The following NAV2 variants were observed in gnomAD, a reference collection of about 807,000 sequenced individuals.
NAV2 encodes the protein helicase, APC down-regulated 1.
A neutral mutation model predicts 223.2 loss-of-function variants in NAV2; 54 were observed. The ratio of observed to expected loss-of-function variants is 0.24; its 90% CI spans 0.19 to 0.30. NAV2 has a LOEUF of 0.30. NAV2 is among the 10% of genes least tolerant of loss of function. NAV2 has a pLI of 1.00. For synonymous variants in NAV2, 1,279 were observed against 1,239.3 expected (o/e 1.03, Z -0.67); for missense variants, 2,806 against 3,147.5 (o/e 0.89, Z 2.60).
chr11:19,567,945 G>A (rs921569120), intron 1 of NAV2, among the ~76,000 whole-genome samples: 13 of 152,078 alleles, frequency 8.5e-5, no homozygotes, highest in Non-Finnish European at 1.5e-4. Flanking sequence ...TCCTAACACC[G>A]ATCACACTAT....
intron 1 of NAV2, among the ~76,000 whole-genome samples, chr11:19,774,512 A>G (rs2055981077): frequency 1.3e-5 from 2 of 152,292 alleles, no homozygotes; most frequent in Admixed American, 6.5e-5. Context: ...TACACTATAC[A>G]GGCCTCTTTT....
chr11:19,437,990 C>G (rs1590203016), intron 1 of NAV2, among the ~76,000 whole-genome samples: 1 of 152,128 alleles, frequency 6.6e-6, no homozygotes, highest in African/African-American at 2.4e-5. Flanking sequence ...GATTTAATGT[C>G]TCTGGAATGA....
chr11:19,415,071 C>G (rs1850307927), intron 1 of NAV2, among the ~76,000 whole-genome samples: 2 of 151,972 alleles, frequency 1.3e-5, no homozygotes, highest in African/African-American at 4.8e-5. Context: ...CAAAAACTAG[C>G]AGAAGACAAG....
At chr11:19,971,523 C>T (rs2049244051) in intron 10 of NAV2, among the ~76,000 whole-genome samples, 1 of 152,142 alleles carries the variant, frequency 6.6e-6, no homozygotes, top group Non-Finnish European at 1.5e-5. Flanking sequence ...GGTAACACCC[C>T]AGCCACACAG....
At position 19,475,053 on chromosome 11, in the gene NAV2, C is replaced by A. The variant is rs575424859; in HGVS notation, c.75+124026C>A. Among the ~76,000 whole-genome samples the A allele has an allele frequency of 2.6e-5, 4 of 152,338 alleles. No homozygotes were observed. In the East Asian group the frequency reaches 7.7e-4, roughly 29 times the overall value. On this transcript the variant is annotated intron_variant, in intron 1 of 37. Transcript: ENST00000360655. Reference sequence around the variant, plus strand: ...CCCAGCCAGCTGCTTAGACAACTTTCCACTGGGCCTTGGGTCAGCAGCCAC... The same window carrying A: ...CCCAGCCAGCTGCTTAGACAACTTTACACTGGGCCTTGGGTCAGCAGCCAC...
chr11:20,021,674 C>G (rs920978616), intron 11 of NAV2, among the ~76,000 whole-genome samples: 3 of 152,206 alleles, frequency 2.0e-5, no homozygotes, highest in African/African-American at 7.2e-5. Flanking sequence ...TTCCCTCAAA[C>G]TCACCCACTG....
chr11:19,391,122 G>A (rs1241460512), intron 1 of NAV2, among the ~76,000 whole-genome samples: 1 of 152,138 alleles, frequency 6.6e-6, no homozygotes, highest in Admixed American at 6.5e-5. Flanking sequence ...TCGTTCTCTA[G>A]TGATCATTGC....
At chr11:20,017,676 A>C (rs999178930) in intron 11 of NAV2, among the ~76,000 whole-genome samples, 2 of 152,108 alleles carry the variant, frequency 1.3e-5, no homozygotes, top group African/African-American at 4.8e-5. Context: ...TGCATTGACT[A>C]TTTGTTGAAT....
At chr11:19,817,636 G>A (rs1413891961) in intron 1 of NAV2, among the ~76,000 whole-genome samples, 1 of 152,166 alleles carries the variant, frequency 6.6e-6, no homozygotes, top group South Asian at 2.1e-4. Flanking sequence ...GAGGGAGGGG[G>A]TGGCCAAGAG....
At chr11:20,044,842 G>C (rs2153585304) in intron 13 of NAV2, 126 bp from the exon 14 acceptor site, 1 of 697,316 alleles carries the variant, frequency 1.4e-6, no homozygotes, top group Non-Finnish European at 2.4e-6. Context: ...TTTATAAAAA[G>C]CTCTTTCCTC....
chr11:19,772,814 A>C (rs560051854), intron 1 of NAV2, among the ~76,000 whole-genome samples: 101 of 152,244 alleles, frequency 6.6e-4, no homozygotes, highest in African/African-American at 2.2e-3. Flanking sequence ...GCCGGCCCCC[A>C]CCGTGTCTGA....
intron 1 of NAV2, among the ~76,000 whole-genome samples, chr11:19,438,035 A>G (rs1407725518): frequency 6.6e-6 from 1 of 152,224 alleles, no homozygotes; most frequent in African/African-American, 2.4e-5. Flanking sequence ...CACTGGGGCT[A>G]GGTTCCAAGC....
chr11:20,071,461 T>A (rs996793648), intron 22 of NAV2, among the ~76,000 whole-genome samples: 1 of 152,208 alleles, frequency 6.6e-6, no homozygotes, highest in Non-Finnish European at 1.5e-5. Flanking sequence ...TTTATAATCC[T>A]TTGGGGGTAT....
intron 10 of NAV2, among the ~76,000 whole-genome samples, chr11:19,982,171 A>G (rs2050353593): frequency 1.3e-5 from 2 of 152,114 alleles, no homozygotes; most frequent in Admixed American, 6.5e-5. Context: ...ATCATTTTTT[A>G]TATTTTTATT....
At chr11:19,448,401 C>T (rs114555352) in intron 1 of NAV2, among the ~76,000 whole-genome samples, 4,407 of 152,284 alleles carry the variant, frequency 0.029, 206 homozygotes, top group African/African-American at 0.1. Flanking sequence ...GTTACCTTAG[C>T]GCTCTCAGCA....
chr11:19,425,672 T>C (rs879282127), intron 1 of NAV2, among the ~76,000 whole-genome samples: 2 of 152,290 alleles, frequency 1.3e-5, no homozygotes, highest in Non-Finnish European at 1.5e-5. Flanking sequence ...AATACTAAAT[T>C]TGGGGACAGG....
At chr11:20,018,118 C>T (rs960726344) in intron 11 of NAV2, among the ~76,000 whole-genome samples, 3 of 152,102 alleles carry the variant, frequency 2.0e-5, no homozygotes, top group Non-Finnish European at 4.4e-5. Flanking sequence ...CTTTGGGAGG[C>T]CAAGGCAGGC....
chr11:19,568,020 G>C (rs1289445594), intron 1 of NAV2, among the ~76,000 whole-genome samples: 1 of 152,212 alleles, frequency 6.6e-6, no homozygotes, highest in Non-Finnish European at 1.5e-5. Flanking sequence ...GCAGGTGCTT[G>C]TTCACAGCTG....
chr11:19,548,115 G>C (rs2044564494), intron 1 of NAV2, among the ~76,000 whole-genome samples: 1 of 152,186 alleles, frequency 6.6e-6, no homozygotes, highest in Admixed American at 6.5e-5. Context: ...TCGTAGGATA[G>C]GTTTAGCAAT....
Sources: allele counts gnomAD v4.1 joint callset (sites outside exome capture counted in the v4.1 genomes callset), GRCh38; gene constraint gnomAD v4.1.1; transcripts MANE v1.5; gene names NCBI Gene and HGNC (gene_info 2026-07-23, HGNC 2026-07-21).